Variants in GLIS3 observed in about 807,000 individuals in gnomAD.
GLIS3 encodes the protein GLIS family zinc finger 3, also known as zinc finger protein GLIS3.
A neutral mutation model predicts 78.6 loss-of-function variants in GLIS3; 53 were observed. The observed-to-expected ratio is 0.67, with a 90% CI of 0.54 to 0.85. The LOEUF (loss-of-function observed/expected upper bound fraction) is 0.85. GLIS3 is among the 40% of genes least tolerant of loss of function. The pLI is 0.00. For synonymous variants in GLIS3, 684 were observed against 509.9 expected, an observed-to-expected ratio of 1.34 and a Z score of -4.60; for missense variants, 1,703 against 1,231.1, an observed-to-expected ratio of 1.38 and a Z score of -5.74.
intron 2 of GLIS3, among the ~76,000 whole-genome samples, chr9:4,130,372 T>C (rs968098485): frequency 3.3e-5 from 5 of 152,200 alleles, no homozygotes; most frequent in Admixed American, 6.5e-5. Context: ...CAAAAGCATT[T>C]CAGAGAACTT....
chr9:4,454,479 A>G, the GLIS3 span, among the ~76,000 whole-genome samples: 1 of 152,216 alleles, frequency 6.6e-6, no homozygotes, highest in South Asian at 2.1e-4. Context: ...AGTTATGGAG[A>G]GCTGAAGTTC....
At chr9:4,355,735 G>C in the GLIS3 span, among the ~76,000 whole-genome samples, 1 of 152,170 alleles carries the variant, frequency 6.6e-6, no homozygotes, top group Non-Finnish European at 1.5e-5. Context: ...GCTGGAATGA[G>C]AGCCTATACA....
At chr9:4,110,798 G>GA (rs997623873) in intron 4 of GLIS3, among the ~76,000 whole-genome samples, 3 of 150,532 alleles carry the variant, frequency 2.0e-5, no homozygotes, top group African/African-American at 7.3e-5. Context: ...AATCTACCTG[G>GA]AAAAAAAAAT....
intron 2 of GLIS3, among the ~76,000 whole-genome samples, chr9:4,236,963 A>G (rs1257421557): frequency 5.9e-5 from 9 of 151,992 alleles, no homozygotes; most frequent in Admixed American, 5.3e-4. Context: ...GGTGAGAATC[A>G]TTTCCAGTTG....
intron 4 of GLIS3, among the ~76,000 whole-genome samples, chr9:3,959,121 T>C (rs1817364735): frequency 6.6e-6 from 1 of 152,232 alleles, no homozygotes; most frequent in Non-Finnish European, 1.5e-5. Flanking sequence ...GGTGATGGTA[T>C]CAGGAAGTGG....
chr9:4,484,045 T>C, the GLIS3 span, among the ~76,000 whole-genome samples: 1 of 152,206 alleles, frequency 6.6e-6, no homozygotes, highest in East Asian at 1.9e-4. Context: ...GTTGTTGTTG[T>C]TATTACCAGC....
At chr9:4,269,529 A>T (rs1413141989) in intron 2 of GLIS3, among the ~76,000 whole-genome samples, 2 of 152,204 alleles carry the variant, frequency 1.3e-5, no homozygotes, top group Non-Finnish European at 2.9e-5. Flanking sequence ...TGAACCACCA[A>T]AACGATCTAC....
At chr9:4,147,088 C>T (rs535613191) in intron 2 of GLIS3, among the ~76,000 whole-genome samples, 4 of 152,140 alleles carry the variant, frequency 2.6e-5, no homozygotes, top group African/African-American at 9.7e-5. Context: ...CAATTAATCT[C>T]CTCTGGCCAT....
intron 2 of GLIS3, among the ~76,000 whole-genome samples, chr9:4,129,131 C>G (rs1422524870): frequency 6.6e-6 from 1 of 152,206 alleles, no homozygotes; most frequent in Admixed American, 6.5e-5. Context: ...CTCAATACAG[C>G]CATCTAAGTG....
the GLIS3 span, among the ~76,000 whole-genome samples, chr9:4,397,462 C>T: frequency 2.9e-3 from 438 of 151,702 alleles, 3 homozygotes; most frequent in Non-Finnish European, 4.1e-3. Flanking sequence ...GAATACTCAA[C>T]AATAGTAGGT....
the GLIS3 span, among the ~76,000 whole-genome samples, chr9:4,469,999 T>A: frequency 5.3e-5 from 8 of 150,688 alleles, no homozygotes; most frequent in African/African-American, 1.9e-4. Flanking sequence ...GAACAGAAAA[T>A]CTAGAAGAAA....
chr9:4,463,223 C>A, the GLIS3 span, among the ~76,000 whole-genome samples: 1 of 152,292 alleles, frequency 6.6e-6, no homozygotes, highest in African/African-American at 2.4e-5. Context: ...AAGTCCTAGC[C>A]TATAAAAGTT....
the GLIS3 span, among the ~76,000 whole-genome samples, chr9:4,395,743 A>C: frequency 1.3e-5 from 2 of 151,822 alleles, no homozygotes; most frequent in Non-Finnish European, 2.9e-5. Flanking sequence ...GGACACTGAG[A>C]ATAATTGGTC....
At chr9:4,302,276 G>C (rs1817107386), upstream of GLIS3, among the ~76,000 whole-genome samples, 1 of 152,152 alleles carries the variant, frequency 6.6e-6, no homozygotes, top group Admixed American at 6.5e-5. Flanking sequence ...AGATAGGTGG[G>C]AACTGCAGCC....
At chr9:3,852,420 C>G (rs147922101) in intron 9 of GLIS3, among the ~76,000 whole-genome samples, 1 of 152,130 alleles carries the variant, frequency 6.6e-6, no homozygotes, top group East Asian at 1.9e-4. Flanking sequence ...CCTGACACTG[C>G]TTTGGGCTTT....
chr9:4,141,874 T>C (rs779515309), intron 2 of GLIS3, among the ~76,000 whole-genome samples: 2 of 152,224 alleles, frequency 1.3e-5, no homozygotes, highest in Non-Finnish European at 2.9e-5. Context: ...ATAATGTAAT[T>C]CCCTTCTGTT....
chr9:3,994,072 C>G (rs1392289351), intron 4 of GLIS3, among the ~76,000 whole-genome samples: 1 of 152,098 alleles, frequency 6.6e-6, no homozygotes, highest in Non-Finnish European at 1.5e-5. Flanking sequence ...TGGGTTGGAC[C>G]AAAGAATCTG....
At chr9:4,308,813 T>A (rs1356176578) in exon 4 of GLIS3, 2 of 152,238 alleles carry the variant, frequency 1.3e-5, no homozygotes, top group African/African-American at 4.8e-5. Flanking sequence ...AAAGCCCTTG[T>A]CTAGGTCTCA....
intron 2 of GLIS3, among the ~76,000 whole-genome samples, chr9:4,318,429 G>A (rs1032653740): frequency 6.6e-6 from 1 of 152,060 alleles, no homozygotes; most frequent in African/African-American, 2.4e-5. Flanking sequence ...ACTAGGGCAG[G>A]GAAAGTACAA....
Sources: gnomAD v4.1 joint callset for allele counts (sites outside exome capture counted in the v4.1 genomes callset) on GRCh38, gnomAD v4.1.1 for gene constraint, MANE v1.5 for transcripts, NCBI Gene and HGNC (gene_info 2026-07-23, HGNC 2026-07-21) for gene names.